The following PHACTR3 variants were observed in gnomAD, a reference collection of about 807,000 sequenced individuals.
PHACTR3 encodes the protein phosphatase and actin regulator 3.
PHACTR3 carries 16 observed loss-of-function variants against 66.8 expected under a neutral mutation model. The observed-to-expected ratio is 0.24, with a 90% CI of 0.16 to 0.36. PHACTR3 has a LOEUF of 0.36. PHACTR3 is among the 10% of genes least tolerant of loss of function. The pLI is 1.00. For missense variants in PHACTR3, 647 were observed against 719.9 expected (o/e 0.90, Z 1.16); for synonymous variants, 323 against 292.1 (o/e 1.11, Z -1.08).
intron 1 of PHACTR3, among the ~76,000 whole-genome samples, chr20:59,617,696 AAGG>A (rs2034080700): frequency 6.6e-6 from 1 of 152,152 alleles, no homozygotes; most frequent in Non-Finnish European, 1.5e-5. Context: ...CTAGGTGTGG[AAGG>A]AGAATTAAGC....
intron 1 of PHACTR3, among the ~76,000 whole-genome samples, chr20:59,700,858 T>C (rs1312692767): frequency 1.3e-5 from 2 of 152,234 alleles, no homozygotes; most frequent in Admixed American, 6.5e-5. Flanking sequence ...GGCACAATTA[T>C]GGCTCTTTGC....
chr20:59,847,492 G>A lies in PHACTR3; in HGVS notation c.*362G>A, dbSNP rs189190416. On this transcript the variant is annotated 3_prime_UTR_variant, in exon 13 of 13. Coordinates refer to ENST00000371015, the MANE Select transcript of PHACTR3 (RefSeq NM_080672.5). ...CTCACCACTCCCAGGCCTCTGACAT[G>A]AGGGACATGTGACAGTGTCATTCAG... The A allele has an allele frequency of 2.4e-5, 5 of 210,002 alleles. No homozygotes were observed. Among genetic ancestry groups the A allele is most frequent in the Admixed American group, 1.1e-4 (2 of 18,148 alleles). The allele number at this position is 210,002 out of a possible 1,614,324, so 13.0% of individuals were successfully genotyped here. A position where few individuals can be genotyped will look rare whatever the true frequency, so the allele number is the denominator to read the frequency against.
At chr20:59,673,225 C>T (rs1329067460) in intron 1 of PHACTR3, among the ~76,000 whole-genome samples, 2 of 152,188 alleles carry the variant, frequency 1.3e-5, no homozygotes, top group African/African-American at 4.8e-5. Context: ...TGGGTTCAGC[C>T]CTCTCTTCCT....
intron 1 of PHACTR3, among the ~76,000 whole-genome samples, chr20:59,637,921 C>A (rs6100534): frequency 6.6e-6 from 1 of 152,160 alleles, no homozygotes; most frequent in Non-Finnish European, 1.5e-5. Context: ...TTCCTGAAGC[C>A]TCATGAGAGC....
intron 1 of PHACTR3, among the ~76,000 whole-genome samples, chr20:59,632,075 T>G (rs2034685780): frequency 6.6e-6 from 1 of 152,294 alleles, no homozygotes; most frequent in South Asian, 2.1e-4. Context: ...GACTGTATCA[T>G]CTGGGCTGTG....
chr20:59,831,292 G>A (rs2042365938), intron 8 of PHACTR3, among the ~76,000 whole-genome samples: 2 of 152,188 alleles, frequency 1.3e-5, no homozygotes, highest in African/African-American at 4.8e-5. Flanking sequence ...GCCTCTTCCT[G>A]GCTCCCCAGC....
chr20:59,590,916 C>T (rs189823882), intron 1 of PHACTR3, among the ~76,000 whole-genome samples: 14 of 152,268 alleles, frequency 9.2e-5, no homozygotes, highest in Admixed American at 8.5e-4. Context: ...GACCTAATCA[C>T]CATCATCTCT....
At position 59,807,618 on chromosome 20, in the gene PHACTR3, C is replaced by T. The variant is rs929746594; in HGVS notation, c.1328+1424C>T. On this transcript the variant is annotated intron_variant, in intron 8 of 12. Transcript: ENST00000371015. ...ACGTGTGATGTACTGCACGGTTACACGCACTAGACTTTGAGAGGCCTTGGC... is the reference window on the plus strand; with the variant it reads ...ACGTGTGATGTACTGCACGGTTACATGCACTAGACTTTGAGAGGCCTTGGC... Among the ~76,000 whole-genome samples, 5 of 152,160 alleles carry T rather than the reference C, an allele frequency of 3.3e-5. No individual in the cohort carries two copies. In the South Asian group the frequency reaches 8.3e-4, roughly 25 times the overall value.
In PHACTR3 at chr20:59,822,105, C is replaced by CTT. The variant is rs1420233967; in HGVS notation, c.1329-14400_1329-14399insTT. Reference sequence around the variant, plus strand: ...CACCCCTTCTCCAGCGATCCCACCCCCTCCGCAGCGATCCCACCCCCTCCG... The same window carrying CTT: ...CACCCCTTCTCCAGCGATCCCACCCCTTCTCCGCAGCGATCCCACCCCCTCCG... On this transcript the variant is annotated intron_variant, in intron 8 of 12. Transcript: ENST00000371015. Among the ~76,000 whole-genome samples, 4 of 81,182 alleles carry CTT rather than the reference C, an allele frequency of 4.9e-5. No individual in the cohort carries two copies. In the East Asian group the frequency reaches 1.6e-3, roughly 32 times the overall value. The allele number at this position is 81,182 out of a possible 152,430, so 53.3% of individuals were successfully genotyped here.
rs1053320708 is a variant in PHACTR3 at position 59,743,335 on chromosome 20, G to A, written c.280+67G>A. On this transcript the variant is annotated intron_variant, in intron 2 of 12. Transcript: ENST00000371015. ...CCAGCGTCCTTGGCATGGTGCTGCG[G>A]CCCCTGCTGATCTGTGACTTCCTGG... The A allele has an allele frequency of 2.4e-5, 37 of 1,573,792 alleles. No individual in the cohort carries two copies. The African/African-American group carries it at 4.6e-4, about 20-fold the overall frequency.
chr20:59,790,593 G>A lies in PHACTR3; in HGVS notation c.1175-15448G>A, dbSNP rs765564989. ...GGGATTATGTGATGTTCACACTGTG[G>A]GGTTATTAACAGCTATTGAAAGAGC... On this transcript the variant is annotated intron_variant, in intron 7 of 12. Transcript: ENST00000371015. Among the ~76,000 whole-genome samples the A allele has an allele frequency of 7.0e-4, 107 of 152,286 alleles. 1 individual carries two copies. Among genetic ancestry groups the A allele is most frequent in the Non-Finnish European group, 1.1e-3 (78 of 68,024 alleles).
chr20:59,634,464 G>A (rs1045306594), intron 1 of PHACTR3, among the ~76,000 whole-genome samples: 11 of 152,156 alleles, frequency 7.2e-5, no homozygotes, highest in Non-Finnish European at 1.2e-4. Flanking sequence ...GGCCGTGAAC[G>A]GTGGTGATGG....
rs978611497 is a variant in PHACTR3, at chr20:59,743,332, G to A, written c.280+64G>A. On this transcript the variant is annotated intron_variant, in intron 2 of 12. Transcript: ENST00000371015. ...GGACCAGCGTCCTTGGCATGGTGCT[G>A]CGGCCCCTGCTGATCTGTGACTTCC... The A allele has an allele frequency of 2.5e-6, 4 of 1,578,776 alleles. No homozygotes were observed. In the South Asian group the frequency reaches 4.6e-5, roughly 18 times the overall value.
intron 1 of PHACTR3, among the ~76,000 whole-genome samples, chr20:59,616,420 T>C (rs1363332936): frequency 6.6e-6 from 1 of 152,216 alleles, no homozygotes; most frequent in East Asian, 1.9e-4. Context: ...GCTTTCCTGG[T>C]CTGAGCTGCT....
chr20:59,816,203 A>G (rs1259121847), intron 8 of PHACTR3, among the ~76,000 whole-genome samples: 1 of 151,998 alleles, frequency 6.6e-6, no homozygotes, highest in African/African-American at 2.4e-5. Context: ...CAGATCCCTC[A>G]TATGCGTAGT....
intron 1 of PHACTR3, among the ~76,000 whole-genome samples, chr20:59,605,713 G>A (rs1304565579): frequency 6.6e-6 from 1 of 152,238 alleles, no homozygotes; most frequent in African/African-American, 2.4e-5. Context: ...GCCCGGTTTC[G>A]TGACAGCGTG....
chr20:59,738,120 A>G lies in PHACTR3; in HGVS notation c.119-4987A>G, dbSNP rs145328636. On this transcript the variant is annotated intron_variant, in intron 1 of 12. Transcript: ENST00000371015. The surrounding 1 kb of genome is among the most constrained non-coding windows in gnomAD (Gnocchi z 4.4). ...ACCTTCCACCAGTGGAAGCAGTCAC[A>G]TAGCCACAGCAAGAAGGAGACACCA... is the stretch of plus-strand genomic sequence containing the variant. Among the ~76,000 whole-genome samples the G allele has an allele frequency of 1.3e-3, 193 of 152,242 alleles. No individual in the cohort carries two copies. Among genetic ancestry groups the G allele is most frequent in the African/African-American group, 4.3e-3 (178 of 41,538 alleles).
intron 1 of PHACTR3, among the ~76,000 whole-genome samples, chr20:59,657,286 T>TGTGTGTTA (rs916904172): frequency 2.0e-5 from 3 of 150,928 alleles, no homozygotes; most frequent in African/African-American, 7.3e-5. Flanking sequence ...TGTGTGTGTT[T>TGTGTGTTA]GTGTGTTATT....
At chr20:59,723,195 C>T (rs762727334) in intron 1 of PHACTR3, among the ~76,000 whole-genome samples, 7 of 151,520 alleles carry the variant, frequency 4.6e-5, no homozygotes, top group Non-Finnish European at 8.8e-5. Flanking sequence ...GTTTTTGCTA[C>T]ACTCACGGGT....
Sources: gnomAD v4.1 joint callset for allele counts (sites outside exome capture counted in the v4.1 genomes callset) on GRCh38, gnomAD v4.1.1 for gene constraint, Gnocchi (gnomAD v3.1) non-coding constraint, MANE v1.5 for transcripts, NCBI Gene and HGNC (gene_info 2026-07-23, HGNC 2026-07-21) for gene names.